Variants in GLI3 observed in about 807,000 individuals in gnomAD.
The protein encoded by GLI3 is transcription activator GLI3.
In GLI3, 20 loss-of-function variants were observed where a neutral mutation model predicts 100.8. The observed-to-expected ratio is 0.20, with a 90% CI of 0.14 to 0.29. The LOEUF is 0.29. Ranked by LOEUF, GLI3 falls within the 10% of genes least tolerant of loss-of-function variation. The probability of loss-of-function intolerance (pLI) is 1.00; values close to 1 mark genes in which losing one functional copy is unlikely to be tolerated. For missense variants in GLI3, 2,040 were observed against 2,128.5 expected (o/e 0.96, Z 0.82); for synonymous variants, 938 against 860.5 (o/e 1.09, Z -1.58).
intron 4 of GLI3, among the ~76,000 whole-genome samples, chr7:42,060,894 A>G (rs564602807): frequency 6.6e-6 from 1 of 152,344 alleles, no homozygotes; most frequent in African/African-American, 2.4e-5. Context: ...GAAACTTTTG[A>G]GTCTGAGCCA....
intron 3 of GLI3, among the ~76,000 whole-genome samples, chr7:42,116,143 G>T (rs1321327720): frequency 6.6e-6 from 1 of 152,002 alleles, no homozygotes; most frequent in East Asian, 1.9e-4. Flanking sequence ...GAAGCCACCA[G>T]GTCCCAAACA....
chr7:42,026,066 A>G (rs769006044), intron 8 of GLI3, 133 bp downstream of exon 8: 1 of 697,562 alleles, frequency 1.4e-6, no homozygotes, highest in Non-Finnish European at 2.6e-6. Flanking sequence ...AGACCTCAGC[A>G]TTAAGAAGAC....
rs978298238 is a variant in GLI3, at chr7:42,045,486, C to T, written c.724G>A (p.Ala242Thr). The change falls in exon 6 of 15, where the codon GCC becomes ACC. Residue 242 changes from alanine (A) to threonine (T), a missense_variant. Transcript: ENST00000395925. ...VSPAEYYHQMALLTGQRSPYA... is the reference protein window; with the variant it reads ...VSPAEYYHQMTLLTGQRSPYA... ...GGGCTGCGCTGGCCAGTTAGCAGGG[C>T]CATCTGATGATAGTATTCTGCTGGG... 5.0e-6 allele frequency: 8 copies of T among 1,613,894 alleles called. No individual in the cohort carries two copies. The highest frequency in any genetic ancestry group is 6.8e-6 in the Non-Finnish European group (8 of 1,179,920).
chr7:42,236,350 A>G lies in GLI3; in HGVS notation c.-43+621T>C, dbSNP rs1403161310. On this transcript the variant is annotated intron_variant, in intron 1 of 14. Coordinates refer to ENST00000395925, the MANE Select transcript of GLI3 (RefSeq NM_000168.6). ...GCGCTGCCCCTGGAAAGGAAAAGAA[A>G]TAAGAGAATCCCAAATCATATACAG... 7.2e-5 allele frequency among the ~76,000 whole-genome samples: 11 copies of G among 152,332 alleles called. No homozygotes were observed. In the East Asian group the frequency reaches 1.7e-3, roughly 24 times the overall value.
At chr7:42,033,195 G>A (rs974223452) in intron 7 of GLI3, among the ~76,000 whole-genome samples, 8 of 152,222 alleles carry the variant, frequency 5.3e-5, no homozygotes, top group Admixed American at 2.0e-4. Context: ...CCAGCTCTCA[G>A]TCCAATGTGA....
At chr7:42,257,836 C>G (rs1789100797) in intron 1 of GLI3, among the ~76,000 whole-genome samples, 1 of 152,080 alleles carries the variant, frequency 6.6e-6, no homozygotes, top group South Asian at 2.1e-4. Flanking sequence ...TAGTCCATTA[C>G]TATGGTATAT....
At chr7:41,975,791 T>C (rs1321462591) in intron 12 of GLI3, among the ~76,000 whole-genome samples, 1 of 152,188 alleles carries the variant, frequency 6.6e-6, no homozygotes, top group Non-Finnish European at 1.5e-5. Flanking sequence ...ATACCCTCTG[T>C]CCAAACTTCT....
chr7:42,160,643 T>A (rs905663088), intron 2 of GLI3, among the ~76,000 whole-genome samples: 1 of 152,206 alleles, frequency 6.6e-6, no homozygotes, highest in African/African-American at 2.4e-5. Flanking sequence ...CAACCTATAC[T>A]GCTAGAAATG....
rs529839921 is a variant in GLI3, at chr7:42,172,696, G to A, written c.125-24228C>T. 4.3e-6 allele frequency: 3 copies of A among 698,120 alleles called. No individual in the cohort carries two copies. The South Asian group carries it at 4.5e-5, about 10-fold the overall frequency. 43.2% of individuals were successfully genotyped at this position (698,120 alleles called of 1,614,324 possible). A position where few individuals can be genotyped will look rare whatever the true frequency, so the allele number is the denominator to read the frequency against. ...GCCTCCAAATGGTTGCCTGGGAGAA[G>A]GGGATGAGTTTTCAGCAGTGGAGCT... On this transcript the variant is annotated intron_variant, in intron 2 of 14. Transcript: ENST00000395925.
intron 2 of GLI3, among the ~76,000 whole-genome samples, chr7:42,203,962 G>A (rs886216291): frequency 6.6e-6 from 1 of 152,028 alleles, no homozygotes; most frequent in Non-Finnish European, 1.5e-5. Flanking sequence ...TCGTGCCACC[G>A]CACTCCAGCC....
chr7:41,982,012 T>C (rs978346102), intron 10 of GLI3, among the ~76,000 whole-genome samples: 1 of 152,094 alleles, frequency 6.6e-6, no homozygotes, highest in Non-Finnish European at 1.5e-5. Flanking sequence ...GGGGGAAACT[T>C]ATGTTGGGCA....
intron 1 of GLI3, among the ~76,000 whole-genome samples, chr7:42,262,854 C>T (rs965985257): frequency 2.0e-5 from 3 of 152,006 alleles, no homozygotes; most frequent in Non-Finnish European, 4.4e-5. Context: ...AGAGGGATTC[C>T]ATTTTCTCTG....
intron 2 of GLI3, among the ~76,000 whole-genome samples, chr7:42,162,908 C>T (rs1583611853): frequency 6.7e-6 from 1 of 149,496 alleles, no homozygotes; most frequent in African/African-American, 2.5e-5. Flanking sequence ...CCTTTCTATG[C>T]ATTACTGTCT....
At chr7:42,071,578 T>C (rs1168905544) in intron 4 of GLI3, among the ~76,000 whole-genome samples, 3 of 152,188 alleles carry the variant, frequency 2.0e-5, no homozygotes. Context: ...TCAGTAAAGA[T>C]AATACCAGGA....
At chr7:42,204,576 C>T (rs991548724) in intron 2 of GLI3, among the ~76,000 whole-genome samples, 2 of 152,192 alleles carry the variant, frequency 1.3e-5, no homozygotes, top group African/African-American at 4.8e-5. Flanking sequence ...AAGTGCCTGG[C>T]ACTTAGCACA....
intron 1 of GLI3, among the ~76,000 whole-genome samples, chr7:42,225,260 A>G (rs1440005691): frequency 6.6e-6 from 1 of 152,198 alleles, no homozygotes; most frequent in Non-Finnish European, 1.5e-5. Flanking sequence ...CCTGCAATGC[A>G]TTTGCCTTGG....
rs374610629 is a variant in GLI3, at chr7:42,022,202, A to G, written c.1497+1266T>C. 8.5e-5 allele frequency among the ~76,000 whole-genome samples: 13 copies of G among 152,334 alleles called. No homozygotes were observed. The South Asian group carries it at 2.7e-3, about 32-fold the overall frequency. ...GGGAGGGACCCTGGCGATGTCATGT[A>G]AAATCCTCAAAACATTCTGTATAGA... On this transcript the variant is annotated intron_variant, in intron 10 of 14. Transcript: ENST00000395925.
chr7:41,977,785 C>A (rs768734186), intron 11 of GLI3, 63 bp from the exon 12 acceptor site: 1 of 1,428,522 alleles, frequency 7.0e-7, no homozygotes, highest in Non-Finnish European at 9.9e-7. Flanking sequence ...ATGCCTAACA[C>A]GCCCTCCAAG....
intron 2 of GLI3, among the ~76,000 whole-genome samples, chr7:42,154,011 A>C (rs1229931927): frequency 2.6e-5 from 4 of 152,100 alleles, no homozygotes; most frequent in Middle Eastern, 3.2e-3. Flanking sequence ...TGTTAACAGG[A>C]CAAGAGCTCT....
Sources: gnomAD v4.1 joint callset for allele counts (sites outside exome capture counted in the v4.1 genomes callset) on GRCh38, gnomAD v4.1.1 for gene constraint, MANE v1.5 for transcripts, NCBI Gene and HGNC (gene_info 2026-07-23, HGNC 2026-07-21) for gene names.